HSD17B4: variants seen among roughly 807,000 people sequenced by gnomAD.
The protein encoded by HSD17B4 is hydroxysteroid 17-beta dehydrogenase 4.
A neutral mutation model predicts 101.0 loss-of-function variants in HSD17B4; 70 were observed. The ratio of observed to expected loss-of-function variants is 0.69; its 90% CI spans 0.57 to 0.85. The LOEUF is 0.85. HSD17B4 is among the 40% of genes least tolerant of loss of function. The pLI is 0.00. For missense variants in HSD17B4, 984 were observed against 892.4 expected (o/e 1.10, Z -1.31); for synonymous variants, 347 against 297.1 (o/e 1.17, Z -1.73).
At chr5:119,535,620 A>G (rs540046941) in intron 22 of HSD17B4, 1 of 149,762 alleles carries the variant, frequency 6.7e-6, no homozygotes, top group Non-Finnish European at 1.5e-5. Context: ...TAAAAACTTA[A>G]TTTTTAACCT....
chr5:119,535,141 A>AT (rs1754427593), intron 22 of HSD17B4, among the ~76,000 whole-genome samples: 1 of 152,036 alleles, frequency 6.6e-6, no homozygotes, highest in Non-Finnish European at 1.5e-5. Flanking sequence ...ACTTGCAGAC[A>AT]TGATGTCCCT....
At chr5:119,483,187 C>G (rs373022503) in intron 8 of HSD17B4, among the ~76,000 whole-genome samples, 2 of 152,060 alleles carry the variant, frequency 1.3e-5, no homozygotes. Context: ...AAGATTGGGC[C>G]CTCCTAAGAT....
chr5:119,455,979 A>T (rs775217826), intron 1 of HSD17B4, among the ~76,000 whole-genome samples: 2 of 152,192 alleles, frequency 1.3e-5, no homozygotes, highest in Non-Finnish European at 2.9e-5. Context: ...AACAACAGCC[A>T]GAACTCCCAG....
intron 2 of HSD17B4, 179 bp downstream of exon 2, chr5:119,456,547 G>A: frequency 1.7e-6 from 1 of 604,010 alleles, no homozygotes; most frequent in Non-Finnish European, 2.9e-6. Context: ...TTTTAAAAGG[G>A]AACCAGTTTC....
intron 2 of HSD17B4, chr5:119,471,629 G>A (rs941426644): frequency 1.5e-6 from 2 of 1,290,550 alleles, no homozygotes; most frequent in Admixed American, 2.8e-5. Flanking sequence ...CTTTTTTATT[G>A]TTACAGCTTT....
In HSD17B4 at chr5:119,502,033, T is replaced by C. The variant is rs34254740; in HGVS notation, c.1210-8T>C. 1.5e-3 allele frequency: 2,422 copies of C among 1,596,748 alleles called. 6 individuals are homozygous for C. Among genetic ancestry groups the C allele is most frequent in the Non-Finnish European group, 1.9e-3 (2,250 of 1,164,406 alleles). On this transcript the variant is annotated splice_polypyrimidine_tract_variant and splice_region_variant and intron_variant, in intron 13 of 23. Transcript: ENST00000510025. ...TTTGCTAATAAAATTTTGTTTACCC[T>C]AACATAGGTTCTTCATGGAGAGCAG...
intron 7 of HSD17B4, chr5:119,477,839 C>T (rs1247762892): frequency 1.6e-5 from 4 of 250,672 alleles, no homozygotes; most frequent in Non-Finnish European, 1.6e-5. Flanking sequence ...TGTAGCCTTA[C>T]CTCCTGGGCT....
At chr5:119,511,007 T>C (rs1309493874) in intron 16 of HSD17B4, among the ~76,000 whole-genome samples, 1 of 152,196 alleles carries the variant, frequency 6.6e-6, no homozygotes, top group Non-Finnish European at 1.5e-5. Flanking sequence ...GGGGCCCTGA[T>C]TGCACTTGCC....
At position 119,536,564 on chromosome 5, in the gene HSD17B4, A is replaced by T. The variant is rs1754558513; in HGVS notation, c.2121+14A>T. On this transcript the variant is annotated intron_variant, in intron 23 of 23. Coordinates refer to ENST00000510025, the MANE Select transcript of HSD17B4 (RefSeq NM_000414.4). ...GACCCTCAGAAGGTAATGTTCTCAA[A>T]TGTTCATTTATTCATTGTTTTATTG... The T allele has an allele frequency of 2.5e-6, 4 of 1,609,936 alleles. No homozygotes were observed. The South Asian group carries it at 3.3e-5, about 13-fold the overall frequency.
intron 9 of HSD17B4, among the ~76,000 whole-genome samples, chr5:119,491,025 AAT>A (rs1321862755): frequency 6.6e-6 from 1 of 152,188 alleles, no homozygotes; most frequent in African/African-American, 2.4e-5. Flanking sequence ...AGCTGTGCAT[AAT>A]ATCCTGACTT....
At chr5:119,513,037 A>G (rs1752311840) in intron 16 of HSD17B4, among the ~76,000 whole-genome samples, 1 of 152,244 alleles carries the variant, frequency 6.6e-6, no homozygotes, top group African/African-American at 2.4e-5. Flanking sequence ...TATGAAAACA[A>G]TGTCCTGGGC....
chr5:119,508,181 C>T (rs1020469599), intron 15 of HSD17B4, among the ~76,000 whole-genome samples: 20 of 151,282 alleles, frequency 1.3e-4, no homozygotes, highest in Non-Finnish European at 2.4e-4. Context: ...GGCTACTATT[C>T]TCCCAGTTCT....
chr5:119,480,663 A>G (rs1561447054), intron 8 of HSD17B4, among the ~76,000 whole-genome samples: 1 of 152,204 alleles, frequency 6.6e-6, no homozygotes, highest in Non-Finnish European at 1.5e-5. Flanking sequence ...ATCAGGAGAC[A>G]GGGTTTTGAG....
At chr5:119,452,673 G>A (rs1231797451) in intron 1 of HSD17B4, 40 bp downstream of exon 1, 2 of 1,612,744 alleles carry the variant, frequency 1.2e-6, no homozygotes, top group South Asian at 2.2e-5. Context: ...CCTTGCTGAG[G>A]CGCAGCTGGC....
At chr5:119,517,132 G>A (rs368824359) in intron 17 of HSD17B4, among the ~76,000 whole-genome samples, 37 of 152,302 alleles carry the variant, frequency 2.4e-4, no homozygotes, top group African/African-American at 8.9e-4. Context: ...AACCGGGGCT[G>A]CGCGCGGCGC....
At chr5:119,486,855 C>T (rs966242092) in intron 8 of HSD17B4, among the ~76,000 whole-genome samples, 3 of 152,042 alleles carry the variant, frequency 2.0e-5, no homozygotes, top group African/African-American at 4.8e-5. Flanking sequence ...ATTTTAAATT[C>T]CAACATTTCT....
chr5:119,529,424 A>G (rs1561488618), intron 20 of HSD17B4, among the ~76,000 whole-genome samples: 1 of 152,188 alleles, frequency 6.6e-6, no homozygotes, highest in Non-Finnish European at 1.5e-5. Context: ...ATTTTATTCT[A>G]TATTAGCAGA....
At chr5:119,485,088 A>G (rs370606064) in intron 8 of HSD17B4, among the ~76,000 whole-genome samples, 18 of 152,274 alleles carry the variant, frequency 1.2e-4, no homozygotes, top group East Asian at 5.8e-4. Context: ...AACATTGCCA[A>G]TAACTTGCAT....
intron 23 of HSD17B4, among the ~76,000 whole-genome samples, chr5:119,540,893 T>A (rs1198036011): frequency 2.0e-5 from 3 of 152,164 alleles, no homozygotes; most frequent in African/African-American, 7.2e-5. Context: ...TTCTCATCTG[T>A]CAACTGGGGT....
Sources: allele counts gnomAD v4.1 joint callset (sites outside exome capture counted in the v4.1 genomes callset), GRCh38; gene constraint gnomAD v4.1.1; transcripts MANE v1.5; gene names NCBI Gene and HGNC (gene_info 2026-07-23, HGNC 2026-07-21).